Variants in KIF21A observed in about 807,000 individuals in gnomAD.
KIF21A encodes the protein kinesin-like protein KIF21A.
KIF21A carries 114 observed loss-of-function variants against 202.9 expected under a neutral mutation model. That is an observed-to-expected ratio of 0.56 (90% confidence interval 0.48 to 0.66). The LOEUF is 0.66. Among genes scored for constraint, KIF21A ranks in the 30% least tolerant of loss-of-function variants. The pLI is 0.00. For synonymous variants in KIF21A, 667 were observed against 670.8 expected (o/e 0.99, Z 0.09); for missense variants, 1,677 against 1,994.9 (o/e 0.84, Z 3.04).
At chr12:39,299,162 GA>G (rs1942715330) in intron 37 of KIF21A, among the ~76,000 whole-genome samples, 1 of 151,968 alleles carries the variant, frequency 6.6e-6, no homozygotes, top group Non-Finnish European at 1.5e-5. Context: ...ACTATCAATA[GA>G]GTAAACAGAC....
chr12:39,425,560 C>A (rs931634235), intron 1 of KIF21A, among the ~76,000 whole-genome samples: 12 of 151,972 alleles, frequency 7.9e-5, no homozygotes, highest in Admixed American at 7.9e-4. Flanking sequence ...AATAAAAAAC[C>A]AACATAAGCC....
intron 1 of KIF21A, among the ~76,000 whole-genome samples, chr12:39,401,992 T>C (rs1367948122): frequency 6.6e-6 from 1 of 152,186 alleles, no homozygotes; most frequent in East Asian, 1.9e-4. Flanking sequence ...ATTCATGCAT[T>C]CTTCCTACTC....
intron 21 of KIF21A, 34 bp downstream of exon 21, chr12:39,332,180 A>G: frequency 6.3e-7 from 1 of 1,586,140 alleles, no homozygotes. Context: ...AGTACTTTTC[A>G]TTAAACCATT....
chr12:39,333,407 A>G, intron 17 of KIF21A, 127 bp from the exon 18 acceptor site: 4 of 713,684 alleles, frequency 5.6e-6, no homozygotes, highest in South Asian at 3.2e-5. Flanking sequence ...TGAGTCAACA[A>G]CCTTGTATAT....
At chr12:39,358,463 A>G (rs1251997150) in intron 7 of KIF21A, 90 bp from the exon 8 acceptor site, 1 of 1,207,044 alleles carries the variant, frequency 8.3e-7, no homozygotes, top group African/African-American at 1.5e-5. Context: ...TTTGAATAGT[A>G]TCTTCTCTTC....
chr12:39,369,694 T>G (rs1325946686), intron 3 of KIF21A, 35 bp downstream of exon 3: 10 of 1,559,346 alleles, frequency 6.4e-6, no homozygotes, highest in Non-Finnish European at 8.8e-6. Context: ...AAGAACAAAA[T>G]TTAAAAGAAA....
At chr12:39,431,553 G>T in intron 1 of KIF21A, among the ~76,000 whole-genome samples, 1 of 152,114 alleles carries the variant, frequency 6.6e-6, no homozygotes, top group East Asian at 1.9e-4. Flanking sequence ...TGATTTACTT[G>T]TGGCTTTATT....
At chr12:39,388,650 A>G (rs1405265618) in intron 1 of KIF21A, among the ~76,000 whole-genome samples, 1 of 152,174 alleles carries the variant, frequency 6.6e-6, no homozygotes, top group Non-Finnish European at 1.5e-5. Flanking sequence ...ATTGTTTTGG[A>G]TCTCAGAGCA....
rs112529756 is a variant in KIF21A at position 39,390,555 on chromosome 12, A to G, written c.45-20294T>C. 2.6e-3 allele frequency among the ~76,000 whole-genome samples: 402 copies of G among 152,276 alleles called. 3 individuals carry two copies. The highest frequency in any genetic ancestry group is 8.9e-3 in the African/African-American group (368 of 41,568). ...GATCTAAACCTTGCTCCACCACAACATTGTGGGATAAACTTCATTTATGTT... is the reference window on the plus strand; with the variant it reads ...GATCTAAACCTTGCTCCACCACAACGTTGTGGGATAAACTTCATTTATGTT... On this transcript the variant is annotated intron_variant, in intron 1 of 37. Transcript: ENST00000361418.
At chr12:39,437,307 G>A (rs1938952615) in intron 1 of KIF21A, among the ~76,000 whole-genome samples, 1 of 152,148 alleles carries the variant, frequency 6.6e-6, no homozygotes, top group Non-Finnish European at 1.5e-5. Flanking sequence ...AATTAGACCT[G>A]AAACCTGAAG....
chr12:39,359,666 C>A (rs1234917101), intron 7 of KIF21A, among the ~76,000 whole-genome samples: 1 of 152,126 alleles, frequency 6.6e-6, no homozygotes, highest in Non-Finnish European at 1.5e-5. Context: ...AATAGAGCAA[C>A]TTGAAGTGTG....
intron 29 of KIF21A, 58 bp from the exon 30 acceptor site, chr12:39,316,028 C>A (rs1944502253): frequency 8.3e-7 from 1 of 1,210,158 alleles, no homozygotes; most frequent in Admixed American, 1.7e-5. Flanking sequence ...CAGGTAAGGA[C>A]ACTGACTTTG....
chr12:39,412,387 C>G (rs1489046042), intron 1 of KIF21A, among the ~76,000 whole-genome samples: 1 of 152,064 alleles, frequency 6.6e-6, no homozygotes, highest in Non-Finnish European at 1.5e-5. Context: ...TTGTTTATGC[C>G]TACTCTACCA....
intron 1 of KIF21A, among the ~76,000 whole-genome samples, chr12:39,413,453 GACA>G (rs1400483910): frequency 6.6e-6 from 1 of 152,134 alleles, no homozygotes; most frequent in Admixed American, 6.5e-5. Flanking sequence ...GTTCCTTGGG[GACA>G]ACAAGAAAGT....
intron 9 of KIF21A, 114 bp from the exon 10 acceptor site, chr12:39,357,009 G>A: frequency 2.9e-6 from 2 of 680,854 alleles, no homozygotes; most frequent in East Asian, 2.7e-5. Flanking sequence ...AATTCTTACA[G>A]CAAATTTTCT....
At chr12:39,354,639 G>A (rs1421677282) in intron 10 of KIF21A, among the ~76,000 whole-genome samples, 2 of 152,012 alleles carry the variant, frequency 1.3e-5, no homozygotes, top group African/African-American at 4.8e-5. Flanking sequence ...ATTCCCAAAT[G>A]GCAATAAACA....
At chr12:39,345,774 T>C (rs1947838252) in intron 12 of KIF21A, among the ~76,000 whole-genome samples, 1 of 151,966 alleles carries the variant, frequency 6.6e-6, no homozygotes. Context: ...TATCTTTGGT[T>C]AAATAATCAT....
chr12:39,351,893 T>C lies in KIF21A; in HGVS notation c.1557A>G (p.Gly519=), dbSNP rs1948413752. Residue 519 remains glycine (G), a synonymous_variant, in exon 11 of 38, where the codon GGA becomes GGG. Transcript: ENST00000361418. The part of the protein sequence containing the change: ...RATARAPYFS[G]SSTFSPTILS... ...GTATGGTAGGAGAAAAAGTTGATGATCCGCTGAAATATGGCGCTCTTGCTG... is the reference window on the plus strand; with the variant it reads ...GTATGGTAGGAGAAAAAGTTGATGACCCGCTGAAATATGGCGCTCTTGCTG... 3 of 1,613,318 alleles carry C rather than the reference T, an allele frequency of 1.9e-6. No homozygotes were observed. The highest frequency in any genetic ancestry group is 2.5e-6 in the Non-Finnish European group (3 of 1,179,408).
intron 30 of KIF21A, among the ~76,000 whole-genome samples, 188 bp from the exon 31 acceptor site, chr12:39,315,428 T>TATTCTTAAGAATATTTATTTTAAAA (rs1565709620): frequency 6.6e-6 from 1 of 152,036 alleles, no homozygotes; most frequent in Non-Finnish European, 1.5e-5. Context: ...TTCTTAAGAA[T>TATTCTTAAGAATATTTATTTTAAAA]ATTTATTTTA....
Sources: allele counts gnomAD v4.1 joint callset (sites outside exome capture counted in the v4.1 genomes callset), GRCh38; gene constraint gnomAD v4.1.1; transcripts MANE v1.5; gene names NCBI Gene and HGNC (gene_info 2026-07-23, HGNC 2026-07-21).